Variants in CDH12 observed in about 807,000 individuals in gnomAD.
CDH12 encodes cadherin 12, also known as cadherin-12.
CDH12 carries 41 observed loss-of-function variants against 74.1 expected under a neutral mutation model. The ratio of observed to expected loss-of-function variants is 0.55; its 90% confidence interval spans 0.43 to 0.72. The LOEUF is 0.72. CDH12 is among the 30% of genes least tolerant of loss of function. The pLI, the probability that CDH12 is intolerant of heterozygous loss-of-function variation, is 0.00. For synonymous variants in CDH12, 399 were observed against 355.0 expected (o/e 1.12, Z -1.39); for missense variants, 945 against 977.2 (o/e 0.97, Z 0.44).
At chr5:21,813,157 A>T (rs1314893286) in intron 9 of CDH12, among the ~76,000 whole-genome samples, 1 of 152,116 alleles carries the variant, frequency 6.6e-6, no homozygotes, top group Non-Finnish European at 1.5e-5. Context: ...CTGTTCTCTT[A>T]AGACAACCAG....
At chr5:22,362,733 A>G (rs1416717012) in intron 3 of CDH12, among the ~76,000 whole-genome samples, 1 of 152,018 alleles carries the variant, frequency 6.6e-6, no homozygotes, top group Admixed American at 6.6e-5. Flanking sequence ...CATATATACC[A>G]TGGAATACTA....
intron 5 of CDH12, among the ~76,000 whole-genome samples, chr5:22,053,830 A>T (rs1399535609): frequency 6.6e-6 from 1 of 152,040 alleles, no homozygotes; most frequent in Admixed American, 6.6e-5. Context: ...TAATTTTATC[A>T]TTCATAAGCC....
At chr5:22,688,634 C>G (rs1741931613) in intron 1 of CDH12, among the ~76,000 whole-genome samples, 1 of 152,084 alleles carries the variant, frequency 6.6e-6, no homozygotes, top group Non-Finnish European at 1.5e-5. Context: ...GTAATTATCT[C>G]ACTGAAAGGA....
intron 1 of CDH12, among the ~76,000 whole-genome samples, chr5:22,766,412 C>T (rs150325148): frequency 6.6e-4 from 101 of 152,002 alleles, no homozygotes; most frequent in Non-Finnish European, 1.2e-3. Context: ...GCAGTGAAAA[C>T]GCATGAAACC....
chr5:22,649,155 T>C (rs1477441657), intron 1 of CDH12, among the ~76,000 whole-genome samples: 2 of 151,984 alleles, frequency 1.3e-5, no homozygotes, highest in Non-Finnish European at 2.9e-5. Flanking sequence ...GTGAAGTCTC[T>C]GTAATAAAAA....
At chr5:22,761,752 T>G (rs1746238164) in intron 1 of CDH12, among the ~76,000 whole-genome samples, 1 of 152,178 alleles carries the variant, frequency 6.6e-6, no homozygotes, top group African/African-American at 2.4e-5. Flanking sequence ...ATTTGCAAAT[T>G]ATTTCTATTG....
Position 21,907,115 on chromosome 5 carries a change from A to G in CDH12, c.527-52325T>C, listed in dbSNP as rs564316356. Among the ~76,000 whole-genome samples the G allele has an allele frequency of 2.0e-5, 3 of 152,354 alleles. No homozygotes were observed. The South Asian group carries it at 6.2e-4, about 32-fold the overall frequency. Reference sequence around the variant, plus strand: ...CTGTTATGTGCCGGGGAGACTGCTCATATAAACTCCAGCAACATCCCCGCA... The same window carrying G: ...CTGTTATGTGCCGGGGAGACTGCTCGTATAAACTCCAGCAACATCCCCGCA... On this transcript the variant is annotated intron_variant, in intron 6 of 14. Coordinates refer to ENST00000382254, the MANE Select transcript of CDH12 (RefSeq NM_004061.5).
intron 1 of CDH12, among the ~76,000 whole-genome samples, chr5:22,691,852 T>C: frequency 6.6e-6 from 1 of 151,746 alleles, no homozygotes; most frequent in East Asian, 1.9e-4. Flanking sequence ...AAATGATAAA[T>C]AGAAGAACAG....
chr5:22,011,922 G>A (rs1370060069), intron 5 of CDH12, among the ~76,000 whole-genome samples: 1 of 151,932 alleles, frequency 6.6e-6, no homozygotes, highest in African/African-American at 2.4e-5. Flanking sequence ...AAACAAAGCT[G>A]TTTCTTCAAT....
intron 3 of CDH12, among the ~76,000 whole-genome samples, chr5:22,328,931 T>C (rs1028170781): frequency 6.6e-6 from 1 of 152,174 alleles, no homozygotes; most frequent in African/African-American, 2.4e-5. Flanking sequence ...AAAGGAATTT[T>C]GAGCCCACTA....
intron 1 of CDH12, among the ~76,000 whole-genome samples, chr5:22,613,724 T>C (rs996066261): frequency 6.6e-6 from 1 of 151,630 alleles, no homozygotes; most frequent in Non-Finnish European, 1.5e-5. Flanking sequence ...AGGAAGAGAG[T>C]GAATGCAGTG....
intron 3 of CDH12, among the ~76,000 whole-genome samples, chr5:22,330,076 G>C (rs2150444670): frequency 6.6e-6 from 1 of 152,288 alleles, no homozygotes; most frequent in East Asian, 1.9e-4. Context: ...ACTTCAGCTT[G>C]CATCAAAGAG....
intron 1 of CDH12, among the ~76,000 whole-genome samples, chr5:22,515,034 A>G (rs978584371): frequency 2.0e-5 from 3 of 152,166 alleles, no homozygotes; most frequent in Admixed American, 2.0e-4. Context: ...TAATAATTGC[A>G]TTTTAATAAT....
chr5:22,759,490 A>G (rs1466978933), intron 1 of CDH12, among the ~76,000 whole-genome samples: 2 of 152,146 alleles, frequency 1.3e-5, no homozygotes, highest in African/African-American at 4.8e-5. Flanking sequence ...ATCTCTCATC[A>G]GGACTTACAG....
At chr5:22,702,861 T>A (rs1449289525) in intron 1 of CDH12, among the ~76,000 whole-genome samples, 1 of 152,116 alleles carries the variant, frequency 6.6e-6, no homozygotes, top group African/African-American at 2.4e-5. Flanking sequence ...AATTGCATCA[T>A]CTTTTCCCGA....
intron 8 of CDH12, among the ~76,000 whole-genome samples, chr5:21,831,076 A>AC (rs1554035162): frequency 2.0e-5 from 3 of 151,248 alleles, no homozygotes; most frequent in South Asian, 2.1e-4. Flanking sequence ...ACAAAAAAAA[A>AC]CCAAGCAAAC....
intron 5 of CDH12, among the ~76,000 whole-genome samples, chr5:22,008,884 C>T (rs1561015736): frequency 6.6e-6 from 1 of 152,182 alleles, no homozygotes; most frequent in Non-Finnish European, 1.5e-5. Context: ...GGAGTCCTCT[C>T]TTTCCCTTCT....
intron 5 of CDH12, among the ~76,000 whole-genome samples, chr5:21,978,761 T>C (rs1757177569): frequency 6.6e-6 from 1 of 152,178 alleles, no homozygotes; most frequent in South Asian, 2.1e-4. Context: ...TGTATGTATG[T>C]ATACGCACGT....
At chr5:22,252,052 A>G (rs1753155414) in intron 3 of CDH12, among the ~76,000 whole-genome samples, 1 of 152,086 alleles carries the variant, frequency 6.6e-6, no homozygotes, top group African/African-American at 2.4e-5. Flanking sequence ...AATACATTGA[A>G]TTGGTGATAT....
Sources: gnomAD v4.1 joint callset for allele counts (sites outside exome capture counted in the v4.1 genomes callset) on GRCh38, gnomAD v4.1.1 for gene constraint, MANE v1.5 for transcripts, NCBI Gene and HGNC (gene_info 2026-07-23, HGNC 2026-07-21) for gene names.